CDC42BPB: variants seen among roughly 807,000 people sequenced by gnomAD.
CDC42BPB encodes the protein CDC42 binding protein kinase beta, also known as serine/threonine-protein kinase MRCK beta.
CDC42BPB carries 37 observed loss-of-function variants against 214.9 expected under a neutral mutation model. That is an observed-to-expected ratio of 0.17 (90% confidence interval 0.13 to 0.23). The LOEUF (loss-of-function observed/expected upper bound fraction) is 0.23. Ranked by LOEUF, CDC42BPB falls within the 10% of genes least tolerant of loss-of-function variation. CDC42BPB has a pLI of 1.00. For missense variants in CDC42BPB, 1,694 were observed against 2,227.0 expected, an observed-to-expected ratio of 0.76 and a Z score of 4.82; for synonymous variants, 931 against 884.0, an observed-to-expected ratio of 1.05 and a Z score of -0.94.
chr14:102,954,829 C>A, intron 21 of CDC42BPB, 141 bp from the exon 22 acceptor site: 1 of 1,438,420 alleles, frequency 7.0e-7, no homozygotes, highest in Non-Finnish European at 9.2e-7. Flanking sequence ...GATCCTATCA[C>A]CCCTTGGGTC....
chr14:103,006,020 A>C (rs890647263), intron 3 of CDC42BPB, among the ~76,000 whole-genome samples: 1 of 151,930 alleles, frequency 6.6e-6, no homozygotes, highest in Non-Finnish European at 1.5e-5. Context: ...CGTCTCAAAA[A>C]AAAAAAAAAA....
chr14:102,967,821 C>T (rs940180722), intron 16 of CDC42BPB, among the ~76,000 whole-genome samples: 3 of 152,176 alleles, frequency 2.0e-5, no homozygotes, highest in Admixed American at 1.3e-4. Context: ...CTTCGGCCGG[C>T]GCAGTGGCTC....
intron 13 of CDC42BPB, among the ~76,000 whole-genome samples, chr14:102,970,924 T>C (rs1293397900): frequency 6.6e-6 from 1 of 152,200 alleles, no homozygotes; most frequent in African/African-American, 2.4e-5. Flanking sequence ...CCAGGCCTTC[T>C]CATTTATGGG....
intron 1 of CDC42BPB, among the ~76,000 whole-genome samples, chr14:103,027,674 TA>T (rs1887128160): frequency 6.6e-6 from 1 of 152,130 alleles, no homozygotes. Flanking sequence ...GGCAAATCCA[TA>T]GAGACAAAAA....
At chr14:103,025,740 C>T (rs754916769) in intron 1 of CDC42BPB, among the ~76,000 whole-genome samples, 56 of 151,378 alleles carry the variant, frequency 3.7e-4, no homozygotes, top group Non-Finnish European at 5.9e-4. Flanking sequence ...ATCGCTTGAA[C>T]CCAGGAGGCA....
At chr14:102,965,045 C>T (rs1231786379) in intron 18 of CDC42BPB, among the ~76,000 whole-genome samples, 1 of 151,998 alleles carries the variant, frequency 6.6e-6, no homozygotes, top group African/African-American at 2.4e-5. Flanking sequence ...CCTGTCTCAG[C>T]CTCTCCAGTA....
At chr14:102,981,971 G>C (rs1894025726) in intron 7 of CDC42BPB, among the ~76,000 whole-genome samples, 1 of 152,184 alleles carries the variant, frequency 6.6e-6, no homozygotes, top group African/African-American at 2.4e-5. Context: ...TGGGCTGAGA[G>C]CTGAGCCACC....
At chr14:103,002,132 A>T (rs911988395) in intron 4 of CDC42BPB, among the ~76,000 whole-genome samples, 9 of 152,272 alleles carry the variant, frequency 5.9e-5, no homozygotes, top group Non-Finnish European at 1.5e-5. Context: ...CCACGTTTCC[A>T]TATCGCTATG....
rs547119909 is a variant in CDC42BPB at position 102,944,645 on chromosome 14, GC to G, written c.3812-159del. The G allele has an allele frequency of 1.3e-3, 1,304 of 985,294 alleles. 13 individuals are homozygous for G. The African/African-American group carries it at 0.021, about 16-fold the overall frequency. 61.0% of individuals were successfully genotyped at this position (985,294 alleles called of 1,614,324 possible). On this transcript the variant is annotated intron_variant, in intron 29 of 36. Transcript: ENST00000361246. This position sits in a 1 kb window ranked among gnomAD's most constrained non-coding sequence, Gnocchi z 6.6. ...TGAGCCCGGCCCTGAGCCCGTCTCT[GC>G]CCACAGAGCCAGTGGCTTGAACGCC...
chr14:103,049,419 C>T (rs981684505), intron 1 of CDC42BPB, among the ~76,000 whole-genome samples: 9 of 152,228 alleles, frequency 5.9e-5, no homozygotes, highest in African/African-American at 2.2e-4. Flanking sequence ...GTCAACTTCA[C>T]GTGAGAGAAA....
In CDC42BPB at chr14:102,975,664, TCA is replaced by T. The variant is rs1286315623; in HGVS notation, c.1507+18_1507+19del. ...ATGACCAAAAATAGAGACTAAGAAG[TCA>T]CACTTTTAAACACATACCTGCTATT... On this transcript the variant is annotated intron_variant, in intron 11 of 36. Transcript: ENST00000361246. 1 of 1,612,312 alleles carries T rather than the reference TCA, an allele frequency of 6.2e-7. No individual in the cohort carries two copies. Among genetic ancestry groups the T allele is most frequent in the Middle Eastern group, 1.8e-4 (1 of 5,710 alleles).
At chr14:102,945,812 A>C (rs963033851) in intron 28 of CDC42BPB, 88 bp from the exon 29 acceptor site, 7 of 1,117,550 alleles carry the variant, frequency 6.3e-6, no homozygotes, top group Non-Finnish European at 9.5e-6. Flanking sequence ...TCATTCACAG[A>C]TACTTTTCAA....
At chr14:103,020,422 G>A (rs1886703700) in intron 1 of CDC42BPB, among the ~76,000 whole-genome samples, 1 of 152,328 alleles carries the variant, frequency 6.6e-6, no homozygotes, top group Admixed American at 6.5e-5. Context: ...CCTGCCTGGA[G>A]CAGCACCTCC....
intron 1 of CDC42BPB, 37 bp from the exon 2 acceptor site, chr14:103,012,225 A>T (rs765678972): frequency 1.3e-6 from 2 of 1,560,640 alleles, no homozygotes; most frequent in Admixed American, 1.7e-5. Flanking sequence ...ATTTAGTCTA[A>T]TCAGTTCATA....
intron 36 of CDC42BPB, 37 bp from the exon 37 acceptor site, chr14:102,933,880 C>T (rs770880009): frequency 9.5e-6 from 14 of 1,479,800 alleles, no homozygotes; most frequent in East Asian, 2.8e-5. Context: ...GCACCCGCTG[C>T]CCTAGCCTGG....
At chr14:102,967,742 TAC>T (rs1358234437) in intron 16 of CDC42BPB, among the ~76,000 whole-genome samples, 1 of 152,240 alleles carries the variant, frequency 6.6e-6, no homozygotes, top group East Asian at 1.9e-4. Flanking sequence ...ACGCCTGTTG[TAC>T]ACACAGTCTA....
chr14:102,981,256 C>T, intron 7 of CDC42BPB: 1 of 894,604 alleles, frequency 1.1e-6, no homozygotes, highest in Non-Finnish European at 1.3e-6. Flanking sequence ...GTAAATGACA[C>T]ATTTTACCTA....
intron 1 of CDC42BPB, among the ~76,000 whole-genome samples, chr14:103,035,425 T>TG (rs1416513898): frequency 1.3e-5 from 2 of 152,174 alleles, no homozygotes; most frequent in Admixed American, 1.3e-4. Flanking sequence ...TCAGGTGTGG[T>TG]GGTTTACACC....
At chr14:103,047,150 G>A (rs377123320) in intron 1 of CDC42BPB, among the ~76,000 whole-genome samples, 41 of 149,306 alleles carry the variant, frequency 2.7e-4, no homozygotes, top group African/African-American at 1.0e-3. Flanking sequence ...TGGGCTTGGT[G>A]GTGGACGCCT....
Sources: allele counts gnomAD v4.1 joint callset (sites outside exome capture counted in the v4.1 genomes callset), GRCh38; gene constraint gnomAD v4.1.1; non-coding constraint Gnocchi (gnomAD v3.1); transcripts MANE v1.5; gene names NCBI Gene and HGNC (gene_info 2026-07-23, HGNC 2026-07-21).